The following CDH18 variants were observed in gnomAD, a reference collection of about 807,000 sequenced individuals.
CDH18 encodes the protein cadherin 18.
Under a neutral mutation model 67.9 loss-of-function variants are expected in CDH18, and 31 were observed. The ratio of observed to expected loss-of-function variants is 0.46; its 90% CI spans 0.34 to 0.62. CDH18 has a LOEUF of 0.62. Among genes scored for constraint, CDH18 ranks in the 20% least tolerant of loss-of-function variants. The pLI is 0.01. For missense variants in CDH18, 890 were observed against 975.5 expected (o/e 0.91, Z 1.17); for synonymous variants, 362 against 347.2 (o/e 1.04, Z -0.48).
intron 1 of CDH18, among the ~76,000 whole-genome samples, chr5:20,556,462 C>G (rs994322152): frequency 6.6e-6 from 1 of 152,190 alleles, no homozygotes; most frequent in Non-Finnish European, 1.5e-5. Flanking sequence ...CAAATACTCA[C>G]TCTTTTTATT....
chr5:19,909,901 C>T (rs963744817), intron 2 of CDH18, among the ~76,000 whole-genome samples: 8 of 152,072 alleles, frequency 5.3e-5, no homozygotes, highest in Non-Finnish European at 1.2e-4. Context: ...AATTACTACA[C>T]TTTTAAACTC....
chr5:20,434,948 A>T (rs945146182), intron 1 of CDH18, among the ~76,000 whole-genome samples: 1 of 152,058 alleles, frequency 6.6e-6, no homozygotes, highest in African/African-American at 2.4e-5. Flanking sequence ...GGGTATGCAT[A>T]CATTCAGATG....
intron 3 of CDH18, among the ~76,000 whole-genome samples, chr5:19,811,529 G>A (rs912738261): frequency 1.5e-4 from 22 of 150,350 alleles, no homozygotes; most frequent in African/African-American, 5.4e-4. Flanking sequence ...TTCCCAAACC[G>A]TGAGACAATA....
chr5:19,727,403 A>C (rs1252070296), intron 4 of CDH18, among the ~76,000 whole-genome samples: 1 of 152,204 alleles, frequency 6.6e-6, no homozygotes, highest in African/African-American at 2.4e-5. Flanking sequence ...GATGAATGTA[A>C]ATATCAGGGC....
chr5:19,489,257 T>C (rs1418385940), intron 11 of CDH18, among the ~76,000 whole-genome samples: 1 of 145,576 alleles, frequency 6.9e-6, no homozygotes, highest in Admixed American at 6.8e-5. Context: ...TTTCTTTTTT[T>C]TTTTTTTTGA....
At chr5:19,531,639 A>AC (rs1449476405) in intron 9 of CDH18, among the ~76,000 whole-genome samples, 4 of 149,964 alleles carry the variant, frequency 2.7e-5, no homozygotes, top group Non-Finnish European at 4.4e-5. Flanking sequence ...ACACACACAC[A>AC]AACAAAATTG....
At chr5:20,296,797 G>T (rs1747575895) in intron 1 of CDH18, among the ~76,000 whole-genome samples, 1 of 151,666 alleles carries the variant, frequency 6.6e-6, no homozygotes, top group African/African-American at 2.4e-5. Context: ...ACCATTGTGA[G>T]TCTTTCCTGG....
chr5:20,165,927 T>C (rs1736246109), intron 2 of CDH18, among the ~76,000 whole-genome samples: 1 of 152,106 alleles, frequency 6.6e-6, no homozygotes, highest in Non-Finnish European at 1.5e-5. Flanking sequence ...AGGAAGAAAT[T>C]TTAAGAAAAA....
intron 2 of CDH18, among the ~76,000 whole-genome samples, chr5:20,139,733 G>T (rs1290975019): frequency 6.6e-6 from 1 of 152,134 alleles, no homozygotes; most frequent in African/African-American, 2.4e-5. Flanking sequence ...ATCATCACTG[G>T]CCATCAGAGA....
At chr5:20,203,243 G>A (rs979140945) in intron 2 of CDH18, among the ~76,000 whole-genome samples, 1 of 152,156 alleles carries the variant, frequency 6.6e-6, no homozygotes, top group African/African-American at 2.4e-5. Flanking sequence ...GGGAAGCATT[G>A]CAAGTGTTTA....
At chr5:20,102,148 C>T (rs1035782543) in intron 2 of CDH18, among the ~76,000 whole-genome samples, 2 of 151,870 alleles carry the variant, frequency 1.3e-5, no homozygotes, top group African/African-American at 2.4e-5. Context: ...ACATCAATTT[C>T]TTAAAAGGAA....
Position 20,506,377 on chromosome 5 carries a change from C to T in CDH18, c.-580+69085G>A, listed in dbSNP as rs577869915. Among the ~76,000 whole-genome samples, 48 of 152,344 alleles carry T rather than the reference C, an allele frequency of 3.2e-4. No homozygotes were observed. The South Asian group carries it at 7.3e-3, about 23-fold the overall frequency. On this transcript the variant is annotated intron_variant, in intron 1 of 14. Coordinates refer to the CDH18 transcript ENST00000507958. ...CCTATCTTGCCAGAGTTGTTCATTA[C>T]CTTCCTGGCTCAGGACTCAAATGAT...
chr5:19,842,307 C>T (rs900485417), intron 2 of CDH18, among the ~76,000 whole-genome samples: 1 of 152,126 alleles, frequency 6.6e-6, no homozygotes, highest in African/African-American at 2.4e-5. Context: ...GAATTGTAAT[C>T]CCCATTTTGG....
At chr5:19,811,358 A>T (rs578050927) in intron 3 of CDH18, among the ~76,000 whole-genome samples, 8 of 152,256 alleles carry the variant, frequency 5.3e-5, no homozygotes, top group African/African-American at 1.9e-4. Flanking sequence ...TTAATCCAAC[A>T]TCAGTGATGT....
intron 3 of CDH18, among the ~76,000 whole-genome samples, chr5:19,764,290 T>G (rs946530956): frequency 1.3e-5 from 2 of 151,978 alleles, no homozygotes; most frequent in Admixed American, 6.6e-5. Flanking sequence ...GGGTAAATAC[T>G]TAAGGAAATA....
chr5:20,237,785 T>G (rs1742591589), intron 2 of CDH18, among the ~76,000 whole-genome samples: 1 of 152,008 alleles, frequency 6.6e-6, no homozygotes, highest in Admixed American at 6.6e-5. Flanking sequence ...AAGTAAACTT[T>G]TCCTAGAAAC....
intron 2 of CDH18, chr5:19,886,382 C>T (rs1788202332): frequency 6.6e-6 from 1 of 152,094 alleles, no homozygotes; most frequent in South Asian, 2.1e-4. Context: ...GCGAAGAAAG[C>T]TAGCTGGCAA....
intron 2 of CDH18, among the ~76,000 whole-genome samples, chr5:20,157,844 G>A (rs1447672640): frequency 6.6e-6 from 1 of 152,000 alleles, no homozygotes; most frequent in Admixed American, 6.6e-5. Flanking sequence ...GTTTCACCAT[G>A]TTGGCCAGGA....
In CDH18 at chr5:19,934,216, G is replaced by A. The variant is rs1209887243; in HGVS notation, c.-257+46844C>T. Among the ~76,000 whole-genome samples the A allele has an allele frequency of 6.6e-5, 10 of 151,416 alleles. No individual in the cohort carries two copies. The East Asian group carries it at 1.4e-3, about 21-fold the overall frequency. ...AGAGAGAGAGAGAAAAGGAAGAAAGGAAATAAAAGAATAAATGAATTATTT... is the reference window on the plus strand; with the variant it reads ...AGAGAGAGAGAGAAAAGGAAGAAAGAAAATAAAAGAATAAATGAATTATTT... On this transcript the variant is annotated intron_variant, in intron 2 of 12. Coordinates refer to ENST00000382275, the MANE Select transcript of CDH18 (RefSeq NM_004934.5).
Sources: gnomAD v4.1 joint callset for allele counts (sites outside exome capture counted in the v4.1 genomes callset) on GRCh38, gnomAD v4.1.1 for gene constraint, MANE v1.5 for transcripts, NCBI Gene and HGNC (gene_info 2026-07-23, HGNC 2026-07-21) for gene names.